The following CAGE1 variants were observed in gnomAD, a reference collection of about 807,000 sequenced individuals.
CAGE1 encodes cancer-associated gene 1 protein.
CAGE1 carries 66 observed loss-of-function variants against 94.9 expected under a neutral mutation model. That is an observed-to-expected ratio of 0.70 (90% CI 0.57 to 0.85). CAGE1 has a LOEUF of 0.85. Ranked by LOEUF, CAGE1 falls within the 40% of genes least tolerant of loss-of-function variation. The pLI is 0.00. For synonymous variants in CAGE1, 319 were observed against 321.0 expected, an observed-to-expected ratio of 0.99 and a Z score of 0.07; for missense variants, 865 against 950.4, an observed-to-expected ratio of 0.91 and a Z score of 1.18.
rs199850738 is a variant in CAGE1, at chr6:7,373,549, A to G, written c.1270T>C (p.Tyr424His). Residue 424 changes from tyrosine (Y) to histidine (H), a missense_variant, in exon 5 of 14, where the codon TAC becomes CAC. Tyr to His is a moderately conservative substitution (Grantham distance 83). Transcript: ENST00000502583. ...KANYVCLQERYMTEMQQKNKS... is the reference protein window; with the variant it reads ...KANYVCLQERHMTEMQQKNKS... ...TTTTTTTGTTGCATTTCAGTCATGT[A>G]CCTTTCCTGTAAACACACATAATTA... 1.7e-4 allele frequency: 282 copies of G among 1,613,530 alleles called. 4 individuals carry two copies. In the East Asian group the frequency reaches 5.3e-3, roughly 30 times the overall value.
At chr6:7,346,868 A>G (rs1022974796) in intron 11 of CAGE1, among the ~76,000 whole-genome samples, 9 of 58,844 alleles carry the variant, frequency 1.5e-4, no homozygotes, top group South Asian at 5.5e-4. Flanking sequence ...AAAAAAAAAA[A>G]AAGAAGAAAG....
chr6:7,344,258 G>C (rs536640442), intron 11 of CAGE1, among the ~76,000 whole-genome samples: 27 of 152,344 alleles, frequency 1.8e-4, no homozygotes, highest in Middle Eastern at 3.4e-3. Context: ...CGTGGCGCTT[G>C]CGGGCCAGCT....
chr6:7,329,961 T>TG (rs11381590), intron 12 of CAGE1, 73 bp from the exon 13 acceptor site: 236,228 of 662,492 alleles, frequency 0.36, 45,272 homozygotes, highest in Non-Finnish European at 0.42. Flanking sequence ...GGTGAGCAAG[T>TG]TGCCATTATT....
intron 1 of CAGE1, 50 bp from the exon 2 acceptor site, chr6:7,387,246 C>T (rs987346231): frequency 6.1e-6 from 6 of 980,614 alleles, no homozygotes; most frequent in South Asian, 3.2e-5. Flanking sequence ...AAAGTTTTTT[C>T]CCTATCCCTC....
At chr6:7,347,211 C>T (rs541600884) in intron 11 of CAGE1, among the ~76,000 whole-genome samples, 81 of 152,134 alleles carry the variant, frequency 5.3e-4, no homozygotes, top group African/African-American at 1.9e-3. Flanking sequence ...GACCCACAGG[C>T]CCTCTGAAGG....
chr6:7,334,243 C>G (rs1277414469), intron 11 of CAGE1, among the ~76,000 whole-genome samples, 153 bp from the exon 12 acceptor site: 2 of 152,192 alleles, frequency 1.3e-5, no homozygotes, highest in Non-Finnish European at 2.9e-5. Flanking sequence ...ACTTGGGATT[C>G]TTTCCTAGCA....
intron 11 of CAGE1, among the ~76,000 whole-genome samples, chr6:7,347,662 A>G (rs1759609643): frequency 6.6e-6 from 1 of 152,154 alleles, no homozygotes; most frequent in Non-Finnish European, 1.5e-5. Context: ...CACAGCTGGG[A>G]GGCAGGTAGC....
intron 11 of CAGE1, among the ~76,000 whole-genome samples, chr6:7,352,142 T>C (rs547100297): frequency 1.8e-4 from 28 of 151,446 alleles, no homozygotes; most frequent in South Asian, 1.3e-3. Context: ...CCCTAATGAC[T>C]CCTCCCAAAA....
Position 7,345,455 on chromosome 6 carries a change from C to T in CAGE1, c.2369+9586G>A, listed in dbSNP as rs192650763. Among the ~76,000 whole-genome samples, 64 of 152,272 alleles carry T rather than the reference C, an allele frequency of 4.2e-4. 1 individual carries two copies. The highest frequency in any genetic ancestry group is 6.6e-4 in the Non-Finnish European group (45 of 68,034). ...TGTGGTTTCATTCTTGAAGTGAGAC[C>T]AAGTAGCCCAAGTCCAGACACAAAA... On this transcript the variant is annotated intron_variant, in intron 11 of 13. Transcript: ENST00000502583.
chr6:7,382,902 T>A (rs895924421), intron 3 of CAGE1, among the ~76,000 whole-genome samples: 1 of 152,038 alleles, frequency 6.6e-6, no homozygotes, highest in Non-Finnish European at 1.5e-5. Flanking sequence ...AGAGCGAGAC[T>A]CCATCTCAAG....
At chr6:7,361,083 C>G (rs955471751) in intron 9 of CAGE1, among the ~76,000 whole-genome samples, 2 of 152,182 alleles carry the variant, frequency 1.3e-5, no homozygotes, top group Admixed American at 6.5e-5. Flanking sequence ...TAATAAACTT[C>G]TTCGTAGCTA....
rs553832351 is a variant in CAGE1 at position 7,329,107 on chromosome 6, A to G, written c.2478+742T>C. The G allele has an allele frequency of 5.5e-4, 166 of 302,012 alleles. 2 individuals are homozygous for G. In the South Asian group the frequency reaches 0.019, roughly 35 times the overall value. 18.7% of individuals were successfully genotyped at this position (302,012 alleles called of 1,614,324 possible). ...CCACAACATCTGGCTAATTTTCTGT[A>G]TTTTTAATAGAGACGAGGGTTCCCC... On this transcript the variant is annotated intron_variant, in intron 13 of 13. Transcript: ENST00000502583.
chr6:7,344,512 G>A (rs9379094), intron 11 of CAGE1, among the ~76,000 whole-genome samples: 2,725 of 152,328 alleles, frequency 0.018, 53 homozygotes, highest in East Asian at 0.11. Context: ...CCCTCCATGA[G>A]CTCCTGTGCG....
At chr6:7,347,009 A>T (rs575795398) in intron 11 of CAGE1, among the ~76,000 whole-genome samples, 2 of 152,146 alleles carry the variant, frequency 1.3e-5, no homozygotes, top group South Asian at 4.2e-4. Flanking sequence ...TTAGGAAAAA[A>T]TTTTTTTTCA....
rs1017853393 is a variant in CAGE1 at position 7,345,732 on chromosome 6, C to G, written c.2369+9309G>C. ...CATGAGGTCAGGAAATTGAGACCAT[C>G]CTGGCTGACTAAAACCCCGTCTCTA... On this transcript the variant is annotated intron_variant, in intron 11 of 13. Transcript: ENST00000502583. 7.3e-5 allele frequency among the ~76,000 whole-genome samples: 11 copies of G among 151,712 alleles called. No individual in the cohort carries two copies. The South Asian group carries it at 1.9e-3, about 26-fold the overall frequency.
At chr6:7,329,269 AAAAAG>A (rs1305620984) in intron 13 of CAGE1, 18 of 390,228 alleles carry the variant, frequency 4.6e-5, no homozygotes, top group Non-Finnish European at 7.7e-5. Flanking sequence ...TATGCCAACT[AAAAAG>A]AAAAGAAAAA....
chr6:7,384,286 C>G (rs1055690099), intron 3 of CAGE1, among the ~76,000 whole-genome samples: 2 of 152,162 alleles, frequency 1.3e-5, no homozygotes, highest in Non-Finnish European at 2.9e-5. Context: ...ACCATGTTAG[C>G]CAGGATGGTC....
At chr6:7,342,905 T>C in intron 11 of CAGE1, among the ~76,000 whole-genome samples, 2 of 148,686 alleles carry the variant, frequency 1.3e-5, no homozygotes, top group East Asian at 3.9e-4. Flanking sequence ...TTGAATAGGG[T>C]GTGCTTTCCC....
chr6:7,365,447 G>GT (rs1452520713), intron 9 of CAGE1, 21 bp downstream of exon 9: 1 of 1,590,454 alleles, frequency 6.3e-7, no homozygotes, highest in Non-Finnish European at 8.6e-7. Flanking sequence ...TAATAGCAAG[G>GT]TAAAAAAAGG....
Sources: gnomAD v4.1 joint callset for allele counts (sites outside exome capture counted in the v4.1 genomes callset) on GRCh38, gnomAD v4.1.1 for gene constraint, MANE v1.5 for transcripts, NCBI Gene and HGNC (gene_info 2026-07-23, HGNC 2026-07-21) for gene names.